The following PTPRO variants were observed in gnomAD, a reference collection of about 807,000 sequenced individuals.
PTPRO encodes the protein protein tyrosine phosphatase receptor type O, also known as receptor-type tyrosine-protein phosphatase O.
A neutral mutation model predicts 145.2 loss-of-function variants in PTPRO; 62 were observed. The observed-to-expected ratio is 0.43, with a 90% CI of 0.35 to 0.53. The LOEUF is 0.53. Among genes scored for constraint, PTPRO ranks in the 20% least tolerant of loss-of-function variants. The probability of loss-of-function intolerance (pLI) is 0.01; values close to 1 mark genes in which losing one functional copy is unlikely to be tolerated. For synonymous variants in PTPRO, 565 were observed against 514.7 expected (o/e 1.10, Z -1.32); for missense variants, 1,345 against 1,482.7 (o/e 0.91, Z 1.53).
At chr12:15,381,042 T>C (rs927541934) in intron 1 of PTPRO, among the ~76,000 whole-genome samples, 6 of 152,182 alleles carry the variant, frequency 3.9e-5, no homozygotes, top group African/African-American at 1.4e-4. Context: ...TAGTACATCA[T>C]AGGCTGATAC....
chr12:15,582,525 C>T (rs1944343407), intron 23 of PTPRO, among the ~76,000 whole-genome samples: 1 of 152,206 alleles, frequency 6.6e-6, no homozygotes, highest in Admixed American at 6.5e-5. Flanking sequence ...AAAGTCTGCA[C>T]TAGTTCATCT....
chr12:15,425,115 A>G (rs1940249138), intron 1 of PTPRO, among the ~76,000 whole-genome samples: 1 of 152,134 alleles, frequency 6.6e-6, no homozygotes, highest in African/African-American at 2.4e-5. Flanking sequence ...GAAGCTCTTT[A>G]CAAACATGAG....
chr12:15,424,105 T>G (rs535595325), intron 1 of PTPRO, among the ~76,000 whole-genome samples: 22 of 152,216 alleles, frequency 1.4e-4, no homozygotes, highest in Non-Finnish European at 2.5e-4. Flanking sequence ...AAGTTATAAC[T>G]GAATATTCTC....
Position 15,524,840 on chromosome 12 carries a change from G to A in PTPRO, c.1918G>A (p.Val640Met). 3 of 1,613,672 alleles carry A rather than the reference G, an allele frequency of 1.9e-6. No individual in the cohort carries two copies. Among genetic ancestry groups the A allele is most frequent in the Non-Finnish European group, 2.5e-6 (3 of 1,179,624 alleles). Reference sequence around the variant, plus strand: ...CCCAGTGGCTCCGGAAATCACTTCTGTGGAATATTTCAACAGTCTGTTATA... The same window carrying A: ...CCCAGTGGCTCCGGAAATCACTTCTATGGAATATTTCAACAGTCTGTTATA... ...TAPVAPEITS[V>M]EYFNSLLYIS... The change falls in exon 11 of 27, where the codon GTG (valine) becomes ATG (methionine). Residue 640 changes from valine to methionine, a missense_variant. Coordinates refer to ENST00000281171, the MANE Select transcript of PTPRO (RefSeq NM_030667.3).
intron 1 of PTPRO, among the ~76,000 whole-genome samples, chr12:15,454,566 G>GT (rs1195336382): frequency 1.3e-5 from 2 of 152,070 alleles, no homozygotes; most frequent in Non-Finnish European, 2.9e-5. Context: ...AAACTTTATA[G>GT]TTTGATATAG....
At chr12:15,384,992 A>G (rs1450953013) in intron 1 of PTPRO, among the ~76,000 whole-genome samples, 1 of 152,258 alleles carries the variant, frequency 6.6e-6, no homozygotes, top group African/African-American at 2.4e-5. Context: ...TTTGTGAACC[A>G]GCAAATGTAT....
intron 1 of PTPRO, among the ~76,000 whole-genome samples, chr12:15,417,106 CT>C (rs1391996983): frequency 6.6e-6 from 1 of 151,614 alleles, no homozygotes; most frequent in Non-Finnish European, 1.5e-5. Context: ...TGATCCTCTC[CT>C]TTACTCCTAC....
chr12:15,559,291 G>A (rs770292241), intron 16 of PTPRO, among the ~76,000 whole-genome samples: 79 of 152,144 alleles, frequency 5.2e-4, no homozygotes, highest in Admixed American at 1.5e-3. Flanking sequence ...CAGTTTTGCC[G>A]ACTCTAGCAT....
At chr12:15,447,233 A>AT (rs1422349514) in intron 1 of PTPRO, among the ~76,000 whole-genome samples, 2 of 152,124 alleles carry the variant, frequency 1.3e-5, no homozygotes, top group African/African-American at 4.8e-5. Flanking sequence ...GATGGATTTC[A>AT]TGGGGGGGAG....
intron 6 of PTPRO, 26 bp downstream of exon 6, chr12:15,504,095 A>C (rs755238532): frequency 3.8e-6 from 6 of 1,592,948 alleles, no homozygotes; most frequent in Non-Finnish European, 8.6e-7. Flanking sequence ...ATCATTTTAC[A>C]CTTACTGGGG....
At chr12:15,361,608 C>G (rs1203793641) in intron 1 of PTPRO, among the ~76,000 whole-genome samples, 1 of 152,002 alleles carries the variant, frequency 6.6e-6, no homozygotes, top group African/African-American at 2.4e-5. Flanking sequence ...CCTGATCTGT[C>G]AAATAAATGT....
In PTPRO at chr12:15,581,945, G is replaced by A. The variant is rs1050264532; in HGVS notation, c.3255+144G>A. On this transcript the variant is annotated intron_variant, in intron 23 of 26. Coordinates refer to ENST00000281171, the MANE Select transcript of PTPRO (RefSeq NM_030667.3). ...ATCGAGTGTGGAGTGGGAAATCAGG[G>A]GTCTCACAGCTTTAAGAGCTGAGAG... 13 of 1,113,852 alleles carry A rather than the reference G, an allele frequency of 1.2e-5. No homozygotes were observed. The South Asian group carries it at 1.7e-4, about 15-fold the overall frequency. 69.0% of individuals were successfully genotyped at this position (1,113,852 alleles called of 1,614,324 possible). A position where few individuals can be genotyped will look rare whatever the true frequency, so the allele number is the denominator to read the frequency against.
At chr12:15,423,247 A>T (rs1013642544) in intron 1 of PTPRO, among the ~76,000 whole-genome samples, 1 of 152,138 alleles carries the variant, frequency 6.6e-6, no homozygotes, top group African/African-American at 2.4e-5. Flanking sequence ...CCTCTTCTAT[A>T]AAACAAGATG....
chr12:15,355,242 A>C (rs189449003), intron 1 of PTPRO, among the ~76,000 whole-genome samples: 1 of 152,294 alleles, frequency 6.6e-6, no homozygotes, highest in East Asian at 1.9e-4. Flanking sequence ...TTTACTCCCC[A>C]AAATCTTCCC....
intron 1 of PTPRO, among the ~76,000 whole-genome samples, chr12:15,417,598 G>A (rs775318512): frequency 6.6e-6 from 1 of 151,630 alleles, no homozygotes; most frequent in Non-Finnish European, 1.5e-5. Context: ...ATCAGAATCT[G>A]CATTTTTAAC....
intron 1 of PTPRO, among the ~76,000 whole-genome samples, chr12:15,469,608 G>T (rs1591839367): frequency 6.6e-6 from 1 of 152,162 alleles, no homozygotes; most frequent in Non-Finnish European, 1.5e-5. Flanking sequence ...TGTAAAACAG[G>T]TGAGCTCAGG....
At chr12:15,359,982 T>A (rs1938125010) in intron 1 of PTPRO, among the ~76,000 whole-genome samples, 1 of 152,166 alleles carries the variant, frequency 6.6e-6, no homozygotes, top group Admixed American at 6.5e-5. Flanking sequence ...TTTTCCTATG[T>A]CTCAAGTGTT....
At chr12:15,371,096 T>C (rs7965903) in intron 1 of PTPRO, among the ~76,000 whole-genome samples, 1 of 152,056 alleles carries the variant, frequency 6.6e-6, no homozygotes, top group Non-Finnish European at 1.5e-5. Flanking sequence ...AGTTAGTGAG[T>C]TAATGATTTT....
intron 1 of PTPRO, among the ~76,000 whole-genome samples, chr12:15,453,613 T>G (rs950010131): frequency 1.3e-5 from 2 of 152,196 alleles, no homozygotes; most frequent in Non-Finnish European, 1.5e-5. Flanking sequence ...AGATCTACCC[T>G]CTTAAAAAGT....
Sources: gnomAD v4.1 joint callset for allele counts (sites outside exome capture counted in the v4.1 genomes callset) on GRCh38, gnomAD v4.1.1 for gene constraint, MANE v1.5 for transcripts, NCBI Gene and HGNC (gene_info 2026-07-23, HGNC 2026-07-21) for gene names.